The following MAPK10 variants were observed in gnomAD, a reference collection of about 807,000 sequenced individuals.
The protein encoded by MAPK10 is JNK3 alpha protein kinase.
MAPK10 carries 25 observed loss-of-function variants against 59.3 expected under a neutral mutation model. The ratio of observed to expected loss-of-function variants is 0.42; its 90% CI spans 0.31 to 0.59. The LOEUF (loss-of-function observed/expected upper bound fraction) is 0.59. Ranked by LOEUF, MAPK10 falls within the 20% of genes least tolerant of loss-of-function variation. The pLI is 0.15. For synonymous variants in MAPK10, 190 were observed against 200.5 expected, an observed-to-expected ratio of 0.95 and a Z score of 0.44; for missense variants, 351 against 568.9, an observed-to-expected ratio of 0.62 and a Z score of 3.90.
At chr4:86,324,373 T>C (rs1304820153) in intron 2 of MAPK10, among the ~76,000 whole-genome samples, 1 of 151,868 alleles carries the variant, frequency 6.6e-6, no homozygotes, top group African/African-American at 2.4e-5. Flanking sequence ...ATCGTGCCAT[T>C]GCACTCCAAC....
intron 1 of MAPK10, among the ~76,000 whole-genome samples, chr4:86,558,618 GA>G (rs564304198): frequency 3.3e-5 from 5 of 152,092 alleles, no homozygotes; most frequent in Non-Finnish European, 5.9e-5. Flanking sequence ...ATTCTCAACA[GA>G]AAATGTTTCT....
intron 1 of MAPK10, among the ~76,000 whole-genome samples, chr4:86,558,446 T>C (rs1760431517): frequency 6.6e-6 from 1 of 152,136 alleles, no homozygotes; most frequent in African/African-American, 2.4e-5. Flanking sequence ...TTATTCCCTC[T>C]TTATAGTTGA....
At chr4:86,154,376 A>T (rs1375714461) in intron 4 of MAPK10, among the ~76,000 whole-genome samples, 1 of 152,154 alleles carries the variant, frequency 6.6e-6, no homozygotes, top group East Asian at 1.9e-4. Flanking sequence ...TAGGAGAAAA[A>T]AAAAGTTCAA....
intron 12 of MAPK10, 27 bp from the exon 13 acceptor site, chr4:86,029,301 G>T (rs754658285): frequency 1.3e-5 from 19 of 1,439,442 alleles, no homozygotes; most frequent in Non-Finnish European, 1.8e-5. Flanking sequence ...TGTTATTATA[G>T]AAAACAAATT....
At chr4:86,051,307 C>T (rs1266283367) in intron 11 of MAPK10, among the ~76,000 whole-genome samples, 1 of 152,220 alleles carries the variant, frequency 6.6e-6, no homozygotes, top group East Asian at 1.9e-4. Context: ...AATATTCTGT[C>T]TCATCTATTC....
chr4:86,316,186 G>T (rs911645193), intron 2 of MAPK10, among the ~76,000 whole-genome samples: 4 of 152,054 alleles, frequency 2.6e-5, no homozygotes, highest in Non-Finnish European at 4.4e-5. Flanking sequence ...CAAAGAAAAA[G>T]AGATAGCAAA....
At chr4:86,465,853 A>T (rs1314508065) in intron 1 of MAPK10, among the ~76,000 whole-genome samples, 1 of 152,188 alleles carries the variant, frequency 6.6e-6, no homozygotes, top group African/African-American at 2.4e-5. Flanking sequence ...CACCTGTCGA[A>T]CACAGCCACC....
intron 1 of MAPK10, among the ~76,000 whole-genome samples, chr4:86,520,455 C>T (rs559662137): frequency 5.9e-5 from 9 of 151,934 alleles, no homozygotes; most frequent in African/African-American, 1.9e-4. Flanking sequence ...CTTTCATTTC[C>T]GTAAGTTGTG....
chr4:86,335,102 TGTCAATAC>T (rs1421522772), intron 2 of MAPK10: 1 of 152,216 alleles, frequency 6.6e-6, no homozygotes, highest in Non-Finnish European at 1.5e-5. Flanking sequence ...GAGAATTGAC[TGTCAATAC>T]CCATCTCCAC....
chr4:86,225,405 T>C (rs2090434064), intron 2 of MAPK10, among the ~76,000 whole-genome samples: 1 of 152,200 alleles, frequency 6.6e-6, no homozygotes, highest in South Asian at 2.1e-4. Flanking sequence ...GTAGTCACAA[T>C]CTGTTGCTGT....
intron 4 of MAPK10, chr4:86,117,874 A>G (rs2058527087): frequency 6.6e-6 from 1 of 152,204 alleles, no homozygotes; most frequent in Non-Finnish European, 1.5e-5. Context: ...CCATGGCAAC[A>G]GTAAGTGCAT....
At chr4:86,530,019 C>T (rs1169181488) in intron 1 of MAPK10, among the ~76,000 whole-genome samples, 1 of 148,550 alleles carries the variant, frequency 6.7e-6, no homozygotes, top group Non-Finnish European at 1.5e-5. Flanking sequence ...ACTCAAGGGG[C>T]TTTTGGCTGT....
At chr4:86,127,952 T>C (rs2060335167) in intron 4 of MAPK10, among the ~76,000 whole-genome samples, 1 of 152,018 alleles carries the variant, frequency 6.6e-6, no homozygotes, top group Non-Finnish European at 1.5e-5. Context: ...AAAAACTATA[T>C]GTAGGGATTT....
intron 1 of MAPK10, among the ~76,000 whole-genome samples, chr4:86,400,009 G>A (rs915478224): frequency 6.6e-6 from 1 of 152,114 alleles, no homozygotes; most frequent in Admixed American, 6.6e-5. Context: ...AAAACATGAT[G>A]CCGCTGAAGC....
chr4:86,455,706 G>T (rs1751166851), upstream of MAPK10, among the ~76,000 whole-genome samples: 2 of 152,100 alleles, frequency 1.3e-5, no homozygotes, highest in Non-Finnish European at 2.9e-5. Context: ...CACAATAATA[G>T]TGGGGGACTT....
intron 1 of MAPK10, among the ~76,000 whole-genome samples, chr4:86,436,898 G>A (rs1190872254): frequency 1.3e-5 from 2 of 152,080 alleles, no homozygotes; most frequent in African/African-American, 4.8e-5. Flanking sequence ...CAGAGAAAAA[G>A]TTTTCAATAT....
intron 11 of MAPK10, among the ~76,000 whole-genome samples, chr4:86,041,710 T>G (rs1015092030): frequency 2.0e-5 from 3 of 151,860 alleles, no homozygotes; most frequent in Non-Finnish European, 2.9e-5. Flanking sequence ...CCAACAAACA[T>G]GTGAAAAAAA....
chr4:86,090,995 G>A (rs1277069433), intron 9 of MAPK10: 1 of 151,924 alleles, frequency 6.6e-6, no homozygotes, highest in African/African-American at 2.4e-5. Flanking sequence ...TTCCAACTAT[G>A]TGACCTTGGC....
At chr4:86,160,520 A>G (rs2149232025) in intron 3 of MAPK10, 1 of 152,130 alleles carries the variant, frequency 6.6e-6, no homozygotes, top group South Asian at 2.1e-4. Flanking sequence ...CATTTGGGGC[A>G]TTTAGGAGAT....
Sources: gnomAD v4.1 joint callset for allele counts (sites outside exome capture counted in the v4.1 genomes callset) on GRCh38, gnomAD v4.1.1 for gene constraint, MANE v1.5 for transcripts, NCBI Gene and HGNC (gene_info 2026-07-23, HGNC 2026-07-21) for gene names.